The following IMPA2 variants were observed in gnomAD, a reference collection of about 807,000 sequenced individuals.
The protein encoded by IMPA2 is inositol monophosphatase 2.
IMPA2 carries 32 observed loss-of-function variants against 35.1 expected under a neutral mutation model. The ratio of observed to expected loss-of-function variants is 0.91; its 90% CI spans 0.69 to 1.23. IMPA2 has a LOEUF of 1.23. IMPA2 is among the 50% of genes most tolerant of loss of function. The pLI is 0.00. For synonymous variants in IMPA2, 135 were observed against 160.6 expected, an observed-to-expected ratio of 0.84 and a Z score of 1.20; for missense variants, 334 against 387.6, an observed-to-expected ratio of 0.86 and a Z score of 1.16.
At chr18:12,003,716 A>T (rs1405741112) in intron 2 of IMPA2, among the ~76,000 whole-genome samples, 1 of 149,996 alleles carries the variant, frequency 6.7e-6, no homozygotes, top group Admixed American at 6.6e-5. Flanking sequence ...GTTTTTATAG[A>T]TTGGGTCTTT....
At chr18:12,011,621 C>T (rs530806574) in intron 3 of IMPA2, among the ~76,000 whole-genome samples, 6 of 152,330 alleles carry the variant, frequency 3.9e-5, no homozygotes, top group South Asian at 2.1e-4. Flanking sequence ...AGATATTGAG[C>T]GGCAATAGCA....
Position 12,010,531 on chromosome 18 carries a change from G to A in IMPA2, c.335+544G>A, listed in dbSNP as rs1438902812. On this transcript the variant is annotated intron_variant, in intron 3 of 7. Transcript: ENST00000269159. The surrounding 1 kb of genome is among the most constrained non-coding windows in gnomAD (Gnocchi z 4.8). ...GAAGTGACAGGATGCAAAGGTGACA[G>A]GGACACGACCACAGGTGTTCTCTGG... 6.6e-6 allele frequency among the ~76,000 whole-genome samples: 1 copy of A among 152,240 alleles called. No individual in the cohort carries two copies. The highest frequency in any genetic ancestry group is 1.5e-5 in the Non-Finnish European group (1 of 68,036).
chr18:11,990,722 G>A (rs1316664752), intron 1 of IMPA2, among the ~76,000 whole-genome samples: 1 of 126,684 alleles, frequency 7.9e-6, no homozygotes, highest in Non-Finnish European at 1.6e-5. Flanking sequence ...AGAGAAATGT[G>A]AGCTGGAGAG....
At chr18:11,988,797 C>G (rs1478812321) in intron 1 of IMPA2, among the ~76,000 whole-genome samples, 1 of 152,152 alleles carries the variant, frequency 6.6e-6, no homozygotes, top group Non-Finnish European at 1.5e-5. Context: ...CGAGTGTTCT[C>G]TTCTGTGCAG....
At chr18:12,006,082 G>T (rs537338078) in intron 2 of IMPA2, among the ~76,000 whole-genome samples, 2 of 152,286 alleles carry the variant, frequency 1.3e-5, no homozygotes, top group South Asian at 4.1e-4. Flanking sequence ...CATTACAGAA[G>T]AGGAAAGTCA....
intron 5 of IMPA2, chr18:12,021,689 G>T (rs1367729409): frequency 6.6e-6 from 1 of 152,136 alleles, no homozygotes; most frequent in African/African-American, 2.4e-5. Context: ...GCTAACTTTT[G>T]TATGTTTGGT....
At chr18:11,996,360 A>G (rs1598687727) in intron 1 of IMPA2, among the ~76,000 whole-genome samples, 1 of 152,160 alleles carries the variant, frequency 6.6e-6, no homozygotes, top group Non-Finnish European at 1.5e-5. Flanking sequence ...TCTGCAGTAC[A>G]GTGATGTGAT....
At chr18:12,020,344 C>G (rs1907694753) in intron 5 of IMPA2, among the ~76,000 whole-genome samples, 1 of 152,174 alleles carries the variant, frequency 6.6e-6, no homozygotes, top group African/African-American at 2.4e-5. Flanking sequence ...CAGGCATGCA[C>G]CACCATGTCT....
chr18:12,023,460 T>C (rs1907792118), intron 5 of IMPA2, among the ~76,000 whole-genome samples: 1 of 152,186 alleles, frequency 6.6e-6, no homozygotes, highest in Admixed American at 6.5e-5. Flanking sequence ...ACAAATTAAC[T>C]TCCCTTTGTG....
At chr18:12,007,892 C>T (rs2143801228) in intron 2 of IMPA2, among the ~76,000 whole-genome samples, 1 of 152,150 alleles carries the variant, frequency 6.6e-6, no homozygotes, top group East Asian at 1.9e-4. Flanking sequence ...ATTCTCCTGC[C>T]TCAGACTCCC....
chr18:11,986,787 C>T (rs1196003534), intron 1 of IMPA2, among the ~76,000 whole-genome samples: 2 of 152,144 alleles, frequency 1.3e-5, no homozygotes, highest in Admixed American at 6.6e-5. Flanking sequence ...ATGCTTCTGT[C>T]GTGCTTTCTT....
intron 5 of IMPA2, among the ~76,000 whole-genome samples, chr18:12,025,718 T>C (rs993944819): frequency 1.3e-5 from 2 of 151,828 alleles, no homozygotes; most frequent in Admixed American, 6.6e-5. Context: ...TAGCTGGGAT[T>C]ACAGGCACGT....
chr18:11,981,834 AGTGG>A, intron 1 of IMPA2, 69 bp downstream of exon 1: 18 of 1,049,962 alleles, frequency 1.7e-5, no homozygotes, highest in Non-Finnish European at 2.1e-5. Flanking sequence ...AGCCGCCTGG[AGTGG>A]CGGGGTCCTG....
chr18:11,999,880 T>C (rs892447540), intron 2 of IMPA2, among the ~76,000 whole-genome samples: 2 of 152,246 alleles, frequency 1.3e-5, no homozygotes, highest in African/African-American at 2.4e-5. Context: ...GAACCCCAGA[T>C]TGAGACATCT....
At chr18:12,007,606 CTTTCTTTCTTTCTT>C (rs568977072) in intron 2 of IMPA2, among the ~76,000 whole-genome samples, 4 of 141,576 alleles carry the variant, frequency 2.8e-5, no homozygotes, top group South Asian at 2.3e-4. Context: ...CTTTCTTTCT[CTTTCTTTCTTTCTT>C]TTTCTTTCTT....
At chr18:12,029,743 C>T (rs1201397348) in intron 7 of IMPA2, among the ~76,000 whole-genome samples, 3 of 152,218 alleles carry the variant, frequency 2.0e-5, no homozygotes, top group Admixed American at 6.5e-5. Context: ...TTTAAAGCCC[C>T]CATCACTCTG....
At chr18:12,014,416 AGT>A (rs1907522323) in intron 5 of IMPA2, 43 bp downstream of exon 5, 1 of 1,233,864 alleles carries the variant, frequency 8.1e-7, no homozygotes. Context: ...CTGAAATAAA[AGT>A]GTGAAAGGAG....
intron 2 of IMPA2, chr18:12,008,538 T>A (rs990950300): frequency 2.2e-6 from 1 of 457,018 alleles, no homozygotes; most frequent in Non-Finnish European, 4.4e-6. Flanking sequence ...ATCCTGAGAA[T>A]GCCTTTGGAA....
intron 1 of IMPA2, among the ~76,000 whole-genome samples, chr18:11,986,906 C>T (rs890177076): frequency 6.6e-6 from 1 of 152,244 alleles, no homozygotes; most frequent in Non-Finnish European, 1.5e-5. Flanking sequence ...GCAGATGTAA[C>T]TCATGGTTCA....
Sources: allele counts gnomAD v4.1 joint callset (sites outside exome capture counted in the v4.1 genomes callset), GRCh38; gene constraint gnomAD v4.1.1; non-coding constraint Gnocchi (gnomAD v3.1); transcripts MANE v1.5; gene names NCBI Gene and HGNC (gene_info 2026-07-23, HGNC 2026-07-21).